Variants in GABRG3 observed in about 807,000 individuals in gnomAD.
GABRG3 encodes the protein gamma-aminobutyric acid receptor subunit gamma-3.
A neutral mutation model predicts 48.8 loss-of-function variants in GABRG3; 25 were observed. That is an observed-to-expected ratio of 0.51 (90% CI 0.37 to 0.72). GABRG3 has a LOEUF of 0.72. Ranked by LOEUF, GABRG3 falls within the 30% of genes least tolerant of loss-of-function variation. GABRG3 has a pLI of 0.00. For synonymous variants in GABRG3, 227 were observed against 217.6 expected (o/e 1.04, Z -0.38); for missense variants, 394 against 577.9 (o/e 0.68, Z 3.26).
intron 5 of GABRG3, among the ~76,000 whole-genome samples, chr15:27,459,343 C>T (rs1469436871): frequency 6.6e-6 from 1 of 152,140 alleles, no homozygotes; most frequent in African/African-American, 2.4e-5. Flanking sequence ...GGTGACAATT[C>T]AGGAGTTTTC....
At chr15:27,325,791 A>G (rs577834293) in intron 3 of GABRG3, among the ~76,000 whole-genome samples, 1 of 152,278 alleles carries the variant, frequency 6.6e-6, no homozygotes, top group Admixed American at 6.5e-5. Context: ...ATAAACCTGA[A>G]ATTGAATTAC....
intron 5 of GABRG3, among the ~76,000 whole-genome samples, chr15:27,399,205 T>C (rs7166417): frequency 0.6 from 90,734 of 152,040 alleles, 27,758 homozygotes; most frequent in East Asian, 0.99. Flanking sequence ...GGGCTTTCTA[T>C]TGAACACTTC....
At chr15:27,172,121 C>T (rs969488214) in intron 3 of GABRG3, among the ~76,000 whole-genome samples, 1 of 152,156 alleles carries the variant, frequency 6.6e-6, no homozygotes, top group Non-Finnish European at 1.5e-5. Context: ...CTCTTAATAC[C>T]ATTACAATGG....
chr15:27,374,693 G>C (rs540805887), intron 5 of GABRG3, among the ~76,000 whole-genome samples: 3 of 152,176 alleles, frequency 2.0e-5, no homozygotes, highest in Non-Finnish European at 4.4e-5. Context: ...CCACGCCAAG[G>C]TGTGTGTGGA....
chr15:27,182,561 C>G (rs1003459628), intron 3 of GABRG3, among the ~76,000 whole-genome samples: 6 of 152,158 alleles, frequency 3.9e-5, no homozygotes, highest in Non-Finnish European at 7.3e-5. Flanking sequence ...GGCTTCCGCT[C>G]CTGGTCTATA....
chr15:27,494,049 G>A (rs1890422569), intron 6 of GABRG3, among the ~76,000 whole-genome samples: 1 of 152,018 alleles, frequency 6.6e-6, no homozygotes, highest in Non-Finnish European at 1.5e-5. Flanking sequence ...CATTTGATGT[G>A]ATCATATGAT....
intron 6 of GABRG3, among the ~76,000 whole-genome samples, chr15:27,502,960 C>G (rs1890678000): frequency 6.6e-6 from 1 of 152,162 alleles, no homozygotes; most frequent in Non-Finnish European, 1.5e-5. Context: ...TGGAAGTGCT[C>G]AGAACTCTGT....
At chr15:27,307,787 CAT>C (rs975223412) in intron 3 of GABRG3, among the ~76,000 whole-genome samples, 47 of 63,854 alleles carry the variant, frequency 7.4e-4, no homozygotes, top group African/African-American at 2.2e-3. Flanking sequence ...TATATATAAA[CAT>C]ATATATAAAA....
chr15:27,484,509 C>G (rs1418883719), intron 6 of GABRG3, among the ~76,000 whole-genome samples: 2 of 152,150 alleles, frequency 1.3e-5, no homozygotes, highest in Admixed American at 6.5e-5. Flanking sequence ...TTGATAGACA[C>G]ACGTATATTT....
At chr15:27,055,947 G>T (rs935330182) in intron 3 of GABRG3, among the ~76,000 whole-genome samples, 1 of 152,024 alleles carries the variant, frequency 6.6e-6, no homozygotes, top group African/African-American at 2.4e-5. Context: ...TATTGATGAG[G>T]TACAATGTGA....
chr15:27,287,505 A>C (rs193018165), intron 3 of GABRG3, among the ~76,000 whole-genome samples: 43 of 152,348 alleles, frequency 2.8e-4, no homozygotes, highest in African/African-American at 9.9e-4. Context: ...GAAAGAAATG[A>C]AAATTGGCAA....
At chr15:27,216,743 T>TTA (rs1334290215) in intron 3 of GABRG3, among the ~76,000 whole-genome samples, 8 of 100,168 alleles carry the variant, frequency 8.0e-5, no homozygotes, top group African/African-American at 2.6e-4. Flanking sequence ...CTTTTTTTTT[T>TTA]TTTATTTTTT....
At chr15:27,445,531 A>G in intron 5 of GABRG3, among the ~76,000 whole-genome samples, 1 of 152,020 alleles carries the variant, frequency 6.6e-6, no homozygotes, top group East Asian at 1.9e-4. Flanking sequence ...AAATTGTACT[A>G]TTTGTCTTTT....
At chr15:27,513,603 TCAAA>T (rs1341598796) in intron 6 of GABRG3, among the ~76,000 whole-genome samples, 1 of 151,674 alleles carries the variant, frequency 6.6e-6, no homozygotes, top group African/African-American at 2.4e-5. Flanking sequence ...GATGTGTAAA[TCAAA>T]CAGAGTACTC....
intron 5 of GABRG3, among the ~76,000 whole-genome samples, chr15:27,347,861 C>G (rs1445601083): frequency 4.6e-5 from 7 of 152,118 alleles, no homozygotes; most frequent in Admixed American, 3.9e-4. Context: ...TGCTGTGACT[C>G]TCTATTAACC....
rs78529278 is a variant in GABRG3, at chr15:27,483,859, A to G, written c.712+3072A>G. Among the ~76,000 whole-genome samples, 1,083 of 152,320 alleles carry G rather than the reference A, an allele frequency of 7.1e-3. 5 individuals are homozygous for G. The highest frequency in any genetic ancestry group is 0.025 in the African/African-American group (1,031 of 41,562). ...TGCCGTCTTTATGCCTTCCTCAGCT[A>G]TTCTCCAAGGACAATTGCAGCTGAC... is the stretch of plus-strand genomic sequence containing the variant. On this transcript the variant is annotated intron_variant, in intron 6 of 9. Transcript: ENST00000615808.
rs866520383 is a variant in GABRG3 at position 27,512,478 on chromosome 15, G to A, written c.713-7494G>A. Among the ~76,000 whole-genome samples the A allele has an allele frequency of 2.6e-5, 4 of 152,276 alleles. No individual in the cohort carries two copies. In the South Asian group the frequency reaches 8.3e-4, roughly 32 times the overall value. On this transcript the variant is annotated intron_variant, in intron 6 of 9. Transcript: ENST00000615808. ...ACAGAGCAGGAGGCACGAGAAGCAG[G>A]ACTCACGTGGCCTGTTGATTTTGAA...
Position 27,531,967 on chromosome 15 carries a change from C to G in GABRG3, c.1123-633C>G, listed in dbSNP as rs140461186. ...GATGGTAAGCGGTGTCCAGCCACCT[C>G]ACACTGAAAGCTCACTGTCACCAGA... On this transcript the variant is annotated intron_variant, in intron 9 of 9. Transcript: ENST00000615808. Among the ~76,000 whole-genome samples, 330 of 152,300 alleles carry G rather than the reference C, an allele frequency of 2.2e-3. 1 individual carries two copies. Among genetic ancestry groups the G allele is most frequent in the South Asian group, 0.017 (81 of 4,826 alleles).
chr15:27,016,240 C>CTTTT (rs34202673), intron 2 of GABRG3, among the ~76,000 whole-genome samples: 33 of 140,714 alleles, frequency 2.3e-4, no homozygotes, highest in African/African-American at 5.8e-4. Context: ...TTCTTTCTTT[C>CTTTT]TTTTTTTTTT....
Sources: allele counts gnomAD v4.1 joint callset (sites outside exome capture counted in the v4.1 genomes callset), GRCh38; gene constraint gnomAD v4.1.1; transcripts MANE v1.5; gene names NCBI Gene and HGNC (gene_info 2026-07-23, HGNC 2026-07-21).